SLA: variants seen among roughly 807,000 people sequenced by gnomAD.
SLA encodes the protein Src like adaptor.
In SLA, 16 loss-of-function variants were observed where a neutral mutation model predicts 30.3. The ratio of observed to expected loss-of-function variants is 0.53; its 90% CI spans 0.36 to 0.80. The LOEUF (loss-of-function observed/expected upper bound fraction) is 0.80, where lower values mean the gene tolerates loss of function less well. SLA is among the 30% of genes least tolerant of loss of function. SLA has a pLI of 0.01. For synonymous variants in SLA, 143 were observed against 137.8 expected (o/e 1.04, Z -0.26); for missense variants, 310 against 345.2 (o/e 0.90, Z 0.81).
At chr8:133,056,286 C>T (rs1405592047) in intron 3 of SLA, among the ~76,000 whole-genome samples, 2 of 152,134 alleles carry the variant, frequency 1.3e-5, no homozygotes, top group African/African-American at 4.8e-5. Flanking sequence ...GTTGAATGAT[C>T]AAGTTCTGCC....
chr8:133,075,443 G>A (rs1844719727), intron 1 of SLA, among the ~76,000 whole-genome samples: 2 of 152,202 alleles, frequency 1.3e-5, no homozygotes, highest in Admixed American at 1.3e-4. Flanking sequence ...GTGCCAATGT[G>A]TGCGTCAAGG....
At chr8:133,071,737 C>T (rs1185811387) in intron 2 of SLA, among the ~76,000 whole-genome samples, 1 of 152,154 alleles carries the variant, frequency 6.6e-6, no homozygotes, top group Admixed American at 6.5e-5. Context: ...ACCGACTGCA[C>T]TGACTACACT....
In SLA at chr8:133,044,676, A is replaced by G. The variant is rs576481759; in HGVS notation, c.484+308T>C. Among the ~76,000 whole-genome samples, 187 of 152,316 alleles carry G rather than the reference A, an allele frequency of 1.2e-3. 1 individual carries two copies. Among genetic ancestry groups the G allele is most frequent in the Middle Eastern group, 3.4e-3 (1 of 294 alleles). The stretch of plus-strand genomic sequence containing the variant: ...CTATAACAAAGCCCCAGAGGCTTGA[A>G]TATGTATGGCCCACTTAAGGATGTG... On this transcript the variant is annotated intron_variant, in intron 7 of 8. Transcript: ENST00000338087.
intron 3 of SLA, among the ~76,000 whole-genome samples, chr8:133,052,206 T>G (rs1174788283): frequency 6.6e-6 from 1 of 152,216 alleles, no homozygotes; most frequent in Non-Finnish European, 1.5e-5. Flanking sequence ...AAAGAGAGAT[T>G]AAATACTAGA....
intron 7 of SLA, chr8:133,040,415 T>A: frequency 2.7e-6 from 1 of 373,800 alleles, no homozygotes; most frequent in African/African-American, 2.0e-5. Flanking sequence ...ATTTTAGCTT[T>A]ACCCCGATAG....
At chr8:133,082,147 G>A (rs909458886) in intron 1 of SLA, among the ~76,000 whole-genome samples, 3 of 152,166 alleles carry the variant, frequency 2.0e-5, no homozygotes, top group African/African-American at 7.2e-5. Flanking sequence ...GGTGTTGGTG[G>A]TGTTGGGTGT....
At chr8:133,050,240 G>C (rs180903464) in intron 4 of SLA, 2 of 510,042 alleles carry the variant, frequency 3.9e-6, no homozygotes, top group Non-Finnish European at 3.5e-6. Context: ...TGCTTTTCAG[G>C]GATTAGCAGC....
chr8:133,069,640 G>A (rs1843650778), intron 2 of SLA, among the ~76,000 whole-genome samples: 1 of 152,104 alleles, frequency 6.6e-6, no homozygotes, highest in South Asian at 2.1e-4. Context: ...CAGCCAGCAG[G>A]TTTGTTTCTA....
intron 1 of SLA, among the ~76,000 whole-genome samples, chr8:133,081,247 A>T (rs2131531624): frequency 6.6e-6 from 1 of 152,394 alleles, no homozygotes; most frequent in Middle Eastern, 3.4e-3. Flanking sequence ...ATGACCATGG[A>T]GCCTAGCACA....
chr8:133,073,664 A>G (rs1199634938), intron 2 of SLA, among the ~76,000 whole-genome samples: 2 of 152,222 alleles, frequency 1.3e-5, no homozygotes, highest in African/African-American at 2.4e-5. Flanking sequence ...TCAGCATCTC[A>G]TAGCAAACCA....
At chr8:133,048,684 G>A (rs1839902275) in intron 5 of SLA, 1 of 158,242 alleles carries the variant, frequency 6.3e-6, no homozygotes, top group Admixed American at 6.1e-5. Flanking sequence ...ATGCTTGCTA[G>A]TGAATGAATG....
At chr8:133,090,790 G>A (rs542039671) in intron 1 of SLA, among the ~76,000 whole-genome samples, 2 of 152,266 alleles carry the variant, frequency 1.3e-5, no homozygotes, top group African/African-American at 4.8e-5. Context: ...TGGCAAAATG[G>A]CCATGGGCAG....
chr8:133,050,389 G>A (rs1461894836), intron 4 of SLA: 1 of 281,776 alleles, frequency 3.5e-6, no homozygotes, highest in Non-Finnish European at 6.8e-6. Flanking sequence ...CTTCTGTCAT[G>A]TTCTATAGCC....
intron 1 of SLA, among the ~76,000 whole-genome samples, chr8:133,082,720 G>A (rs1366891214): frequency 1.3e-5 from 2 of 152,168 alleles, no homozygotes; most frequent in African/African-American, 4.8e-5. Flanking sequence ...TGCTTGAACA[G>A]CACAAAATGA....
chr8:133,055,389 A>C (rs1251583907), intron 3 of SLA, among the ~76,000 whole-genome samples: 1 of 147,300 alleles, frequency 6.8e-6, no homozygotes, highest in Non-Finnish European at 1.5e-5. Context: ...ACACACACAC[A>C]CACACACACA....
chr8:133,082,757 T>G (rs571259207), intron 1 of SLA, among the ~76,000 whole-genome samples: 1 of 152,366 alleles, frequency 6.6e-6, no homozygotes, highest in East Asian at 1.9e-4. Flanking sequence ...AGCATTATGA[T>G]GACTTTTATT....
chr8:133,055,235 G>A (rs896872278), intron 3 of SLA, among the ~76,000 whole-genome samples: 6 of 152,062 alleles, frequency 3.9e-5, no homozygotes, highest in Admixed American at 6.6e-5. Context: ...TGGGTAGGGA[G>A]CTGTACAGCC....
At chr8:133,047,794 C>A in intron 6 of SLA, 36 bp downstream of exon 6, 1 of 1,161,622 alleles carries the variant, frequency 8.6e-7, no homozygotes, top group East Asian at 2.3e-5. Flanking sequence ...TGCTTGTCTG[C>A]CCCGGATGGG....
intron 2 of SLA, among the ~76,000 whole-genome samples, chr8:133,071,297 A>G (rs1249813338): frequency 6.6e-6 from 1 of 152,182 alleles, no homozygotes; most frequent in African/African-American, 2.4e-5. Flanking sequence ...GAGCATTCAC[A>G]TAATGTGTCG....
Sources: gnomAD v4.1 joint callset for allele counts (sites outside exome capture counted in the v4.1 genomes callset) on GRCh38, gnomAD v4.1.1 for gene constraint, MANE v1.5 for transcripts, NCBI Gene and HGNC (gene_info 2026-07-23, HGNC 2026-07-21) for gene names.